The following ARHGEF38 variants were observed in gnomAD, a reference collection of about 807,000 sequenced individuals.
The protein encoded by ARHGEF38 is Rho guanine nucleotide exchange factor 38, also known as Rho guanine nucleotide exchange factor (GEF) 38.
ARHGEF38 carries 79 observed loss-of-function variants against 79.9 expected under a neutral mutation model. The ratio of observed to expected loss-of-function variants is 0.99; its 90% CI spans 0.82 to 1.19. The LOEUF (loss-of-function observed/expected upper bound fraction) is 1.19, where lower values mean the gene tolerates loss of function less well. Ranked by LOEUF, ARHGEF38 falls within the 50% of genes most tolerant of loss-of-function variation. The probability of loss-of-function intolerance (pLI) is 0.00; values close to 1 mark genes in which losing one functional copy is unlikely to be tolerated. For synonymous variants in ARHGEF38, 366 were observed against 328.3 expected (o/e 1.11, Z -1.24); for missense variants, 962 against 907.2 (o/e 1.06, Z -0.78).
At chr4:105,644,616 A>C (rs1325022006) in intron 5 of ARHGEF38, among the ~76,000 whole-genome samples, 2 of 152,244 alleles carry the variant, frequency 1.3e-5, no homozygotes, top group South Asian at 4.1e-4. Flanking sequence ...ATGATTAGTG[A>C]TAGGGATAGT....
intron 13 of ARHGEF38, among the ~76,000 whole-genome samples, chr4:105,674,173 T>C (rs558481476): frequency 1.3e-5 from 2 of 152,234 alleles, no homozygotes; most frequent in South Asian, 4.1e-4. Flanking sequence ...ATCTAGTGGT[T>C]ATAAGCAGTG....
At chr4:105,606,897 T>C (rs906578671) in intron 2 of ARHGEF38, among the ~76,000 whole-genome samples, 3 of 152,134 alleles carry the variant, frequency 2.0e-5, no homozygotes, top group Non-Finnish European at 4.4e-5. Flanking sequence ...GGTGACTGTA[T>C]TTTCTTTCTT....
chr4:105,615,930 G>A (rs964431395), intron 3 of ARHGEF38, among the ~76,000 whole-genome samples: 1 of 152,188 alleles, frequency 6.6e-6, no homozygotes, highest in African/African-American at 2.4e-5. Context: ...GGTTGTGGAT[G>A]TGTTGGATGC....
At chr4:105,657,047 TA>T (rs1359359784) in intron 9 of ARHGEF38, among the ~76,000 whole-genome samples, 56 of 151,910 alleles carry the variant, frequency 3.7e-4, no homozygotes, top group African/African-American at 1.2e-3. Flanking sequence ...GATAGATAGA[TA>T]GATGATAGAT....
intron 3 of ARHGEF38, among the ~76,000 whole-genome samples, chr4:105,618,857 T>C (rs2110499808): frequency 6.6e-6 from 1 of 152,292 alleles, no homozygotes; most frequent in South Asian, 2.1e-4. Context: ...TATCTAGAGA[T>C]CTAGAGTTAA....
intron 13 of ARHGEF38, among the ~76,000 whole-genome samples, chr4:105,676,589 T>C (rs1731124602): frequency 1.3e-5 from 2 of 152,206 alleles, no homozygotes; most frequent in South Asian, 4.1e-4. Context: ...ACTAAACATT[T>C]TTATTATCAA....
Position 105,679,876 on chromosome 4 carries a change from G to A in ARHGEF38, c.*1939G>A. ...GAATCACCAGGTCAACTACAGGAAT[G>A]TCCAAACCACGAGGAGCCACATTGG... On this transcript the variant is annotated 3_prime_UTR_variant, in exon 14 of 14. Coordinates refer to ENST00000420470, the MANE Select transcript of ARHGEF38 (RefSeq NM_001242729.2). 5 of 1,429,870 alleles carry A rather than the reference G, an allele frequency of 3.5e-6. No homozygotes were observed. Among genetic ancestry groups the A allele is most frequent in the Non-Finnish European group, 4.9e-6 (5 of 1,016,578 alleles). 88.6% of individuals were successfully genotyped at this position (1,429,870 alleles called of 1,614,324 possible).
chr4:105,571,358 T>C (rs867831489), intron 1 of ARHGEF38, among the ~76,000 whole-genome samples: 13 of 143,988 alleles, frequency 9.0e-5, no homozygotes, highest in Middle Eastern at 3.3e-3. Context: ...AGTCTCACTC[T>C]GTCACCCAGG....
At chr4:105,639,872 G>T (rs1293429889) in intron 5 of ARHGEF38, among the ~76,000 whole-genome samples, 3 of 151,848 alleles carry the variant, frequency 2.0e-5, no homozygotes, top group Middle Eastern at 3.4e-3. Context: ...TTTTTATAAA[G>T]AACTTTTTAT....
At chr4:105,645,444 T>G (rs550973263) in intron 6 of ARHGEF38, 57 bp downstream of exon 6, 1 of 1,364,562 alleles carries the variant, frequency 7.3e-7, no homozygotes, top group Admixed American at 2.6e-5. Context: ...TTGCTTTATG[T>G]TTCTGAGAAT....
chr4:105,679,064 A>AT lies in ARHGEF38; in HGVS notation c.*1130dup. 1 of 480,964 alleles carries AT rather than the reference A, an allele frequency of 2.1e-6. No homozygotes were observed. The highest frequency in any genetic ancestry group is 4.1e-5 in the South Asian group (1 of 24,132). The allele number at this position is 480,964 out of a possible 1,614,324, so 29.8% of individuals were successfully genotyped here. On this transcript the variant is annotated 3_prime_UTR_variant, in exon 14 of 14. Transcript: ENST00000420470. ...CTATCAAATACTCAGTCAAAACTCC[A>AT]TTTGTGGCCCCCACTTCTTGATCTA... is the stretch of plus-strand genomic sequence containing the variant.
chr4:105,668,299 A>G (rs1364303845), intron 13 of ARHGEF38, among the ~76,000 whole-genome samples: 1 of 151,902 alleles, frequency 6.6e-6, no homozygotes, highest in Non-Finnish European at 1.5e-5. Context: ...CTCCTGTCTC[A>G]GCCTCCCAAG....
At chr4:105,616,013 C>A (rs1728495386) in intron 3 of ARHGEF38, among the ~76,000 whole-genome samples, 1 of 152,078 alleles carries the variant, frequency 6.6e-6, no homozygotes, top group African/African-American at 2.4e-5. Context: ...CATGTCATGA[C>A]CTATGAGAGG....
intron 1 of ARHGEF38, among the ~76,000 whole-genome samples, chr4:105,573,280 G>A (rs1726325895): frequency 6.6e-6 from 1 of 151,978 alleles, no homozygotes; most frequent in Non-Finnish European, 1.5e-5. Context: ...GAAGAAAAAA[G>A]CCTGAGCCTT....
In ARHGEF38 at chr4:105,600,256, C is replaced by A. The variant is rs561147399; in HGVS notation, c.384+10821C>A. ...TAACAATCAAAGATCTATTTCAAGGCAACGCTAGAAGTGATCATGACAGAA... is the reference window on the plus strand; with the variant it reads ...TAACAATCAAAGATCTATTTCAAGGAAACGCTAGAAGTGATCATGACAGAA... On this transcript the variant is annotated intron_variant, in intron 2 of 13. Coordinates refer to ENST00000420470, the MANE Select transcript of ARHGEF38 (RefSeq NM_001242729.2). 2.6e-5 allele frequency among the ~76,000 whole-genome samples: 4 copies of A among 152,278 alleles called. No homozygotes were observed. In the South Asian group the frequency reaches 8.3e-4, roughly 32 times the overall value.
Position 105,645,884 on chromosome 4 carries a change from T to C in ARHGEF38, c.874+497T>C, listed in dbSNP as rs530975895. On this transcript the variant is annotated intron_variant, in intron 6 of 13. Transcript: ENST00000420470. ...ATTTCTCTACTGATGTGAGCAAGTATACTTCTTTCTAGAATTAGCAAATTA... is the reference window on the plus strand; with the variant it reads ...ATTTCTCTACTGATGTGAGCAAGTACACTTCTTTCTAGAATTAGCAAATTA... 1.4e-4 allele frequency among the ~76,000 whole-genome samples: 22 copies of C among 152,372 alleles called. 1 individual carries two copies. The South Asian group carries it at 4.3e-3, about 30-fold the overall frequency.
rs557675200 is a variant in ARHGEF38 at position 105,553,081 on chromosome 4, C to G, written c.196+120C>G. 1.4e-4 allele frequency: 98 copies of G among 702,580 alleles called. No individual in the cohort carries two copies. The African/African-American group carries it at 1.5e-3, about 11-fold the overall frequency. The allele number at this position is 702,580 out of a possible 1,614,324, so 43.5% of individuals were successfully genotyped here. On this transcript the variant is annotated intron_variant, in intron 1 of 13. Coordinates refer to ENST00000420470, the MANE Select transcript of ARHGEF38 (RefSeq NM_001242729.2). ...GAAAATTGAATACCACCTCTCCTTC[C>G]CACAAAATAAGAAGATGAAAGTAAA...
At chr4:105,645,073 A>G (rs1421811698) in intron 5 of ARHGEF38, 115 bp from the exon 6 acceptor site, 1 of 853,446 alleles carries the variant, frequency 1.2e-6, no homozygotes, top group African/African-American at 1.7e-5. Flanking sequence ...AATTTTAGAT[A>G]TACAAATGAA....
At chr4:105,638,875 G>C (rs1316386714) in intron 5 of ARHGEF38, among the ~76,000 whole-genome samples, 1 of 151,864 alleles carries the variant, frequency 6.6e-6, no homozygotes, top group African/African-American at 2.4e-5. Flanking sequence ...AATTTTGTCT[G>C]TCTTATTGAT....
Sources: gnomAD v4.1 joint callset for allele counts (sites outside exome capture counted in the v4.1 genomes callset) on GRCh38, gnomAD v4.1.1 for gene constraint, MANE v1.5 for transcripts, NCBI Gene and HGNC (gene_info 2026-07-23, HGNC 2026-07-21) for gene names.